KCNN2: variants seen among roughly 807,000 people sequenced by gnomAD.
KCNN2 encodes small conductance calcium-activated potassium channel protein 2.
KCNN2 carries 24 observed loss-of-function variants against 55.5 expected under a neutral mutation model. That is an observed-to-expected ratio of 0.43 (90% CI 0.31 to 0.61). KCNN2 has a LOEUF of 0.61. Ranked by LOEUF, KCNN2 falls within the 20% of genes least tolerant of loss-of-function variation. KCNN2 has a pLI of 0.08. For missense variants in KCNN2, 754 were observed against 853.6 expected, an observed-to-expected ratio of 0.88 and a Z score of 1.45; for synonymous variants, 431 against 336.1, an observed-to-expected ratio of 1.28 and a Z score of -3.09.
intron 3 of KCNN2, among the ~76,000 whole-genome samples, chr5:114,458,501 T>C (rs180675218): frequency 2.0e-5 from 3 of 152,326 alleles, no homozygotes; most frequent in Non-Finnish European, 2.9e-5. Flanking sequence ...CCAAGGCAAG[T>C]CAACTTGAGG....
At chr5:114,232,614 A>G (rs1754384703) in intron 2 of KCNN2, among the ~76,000 whole-genome samples, 1 of 150,270 alleles carries the variant, frequency 6.7e-6, no homozygotes, top group South Asian at 2.1e-4. Context: ...AATCTTTCCT[A>G]TTGTCATCTT....
At chr5:114,071,528 A>G (rs1238463815) in intron 1 of KCNN2, among the ~76,000 whole-genome samples, 1 of 152,212 alleles carries the variant, frequency 6.6e-6, no homozygotes, top group Non-Finnish European at 1.5e-5. Context: ...CTACAAGGGG[A>G]CTGAAATAAC....
intron 1 of KCNN2, among the ~76,000 whole-genome samples, chr5:114,162,840 G>T (rs1463583742): frequency 1.3e-5 from 2 of 152,150 alleles, no homozygotes; most frequent in East Asian, 1.9e-4. Context: ...CGTTTGTTAA[G>T]TCGGTTGGAA....
intron 4 of KCNN2, among the ~76,000 whole-genome samples, chr5:114,471,237 C>T (rs766391466): frequency 6.6e-6 from 1 of 152,136 alleles, no homozygotes; most frequent in Admixed American, 6.6e-5. Context: ...CCAAAATTCA[C>T]GGATGCTCAA....
intron 3 of KCNN2, among the ~76,000 whole-genome samples, chr5:114,410,204 G>T (rs1401889849): frequency 6.6e-6 from 1 of 152,158 alleles, no homozygotes; most frequent in Non-Finnish European, 1.5e-5. Flanking sequence ...TCAGAGCTTG[G>T]GGTCCTGAAG....
At chr5:114,293,079 T>A (rs367723394) in intron 2 of KCNN2, among the ~76,000 whole-genome samples, 50 of 152,204 alleles carry the variant, frequency 3.3e-4, no homozygotes, top group African/African-American at 1.1e-3. Flanking sequence ...TATCAGCTTA[T>A]GGAGATTTTG....
intron 1 of KCNN2, among the ~76,000 whole-genome samples, chr5:114,113,755 G>A (rs1196312173): frequency 6.6e-6 from 1 of 152,084 alleles, no homozygotes; most frequent in Non-Finnish European, 1.5e-5. Flanking sequence ...ATTTTAGTAA[G>A]GCTTGGTTGT....
rs945431066 is a variant in KCNN2 at position 114,170,285 on chromosome 5, A to G, written c.-270-51195A>G. 3.9e-4 allele frequency among the ~76,000 whole-genome samples: 60 copies of G among 152,204 alleles called. 1 individual carries two copies. Among genetic ancestry groups the G allele is most frequent in the Middle Eastern group, 3.4e-3 (1 of 294 alleles). ...TCCAATCATTCATTTACCTCACAATATATTTTACAACTAAATGATTTTTAA... is the reference window on the plus strand; with the variant it reads ...TCCAATCATTCATTTACCTCACAATGTATTTTACAACTAAATGATTTTTAA... On this transcript the variant is annotated intron_variant, in intron 1 of 10. Transcript: ENST00000512097.
intron 2 of KCNN2, among the ~76,000 whole-genome samples, chr5:114,233,992 G>C (rs1754418941): frequency 6.7e-6 from 1 of 149,618 alleles, no homozygotes; most frequent in South Asian, 2.1e-4. Context: ...ACTTCTTGCT[G>C]TAGCCTTCAA....
In KCNN2 at chr5:114,362,673, CG is replaced by C; in HGVS notation, c.537del (p.Pro181ArgfsTer31). 1 of 1,428,486 alleles carries C rather than the reference CG, an allele frequency of 7.0e-7. No individual in the cohort carries two copies. Among genetic ancestry groups the C allele is most frequent in the Non-Finnish European group, 9.2e-7 (1 of 1,091,466 alleles). The allele number at this position is 1,428,486 out of a possible 1,614,324, so 88.5% of individuals were successfully genotyped here. ...CGGGCAGCCTCGGCAGTCTGGGCTC[CG>C]GGCCCCCGCTCTCGCACCACCACCA... is the stretch of plus-strand genomic sequence containing the variant. ...PTGSLGSLGS[G>X]PPLSHHHHHP... On this transcript the variant is annotated frameshift_variant, in exon 1 of 8. Transcript: ENST00000673685. LOFTEE classifies it high-confidence loss of function.
At chr5:114,457,295 G>C (rs184423092) in intron 3 of KCNN2, among the ~76,000 whole-genome samples, 1 of 152,092 alleles carries the variant, frequency 6.6e-6, no homozygotes, top group Non-Finnish European at 1.5e-5. Context: ...TAAATCCATA[G>C]AATTTTTGAG....
intron 3 of KCNN2, among the ~76,000 whole-genome samples, chr5:114,447,678 G>GA (rs1272549767): frequency 1.3e-5 from 2 of 151,380 alleles, no homozygotes; most frequent in Admixed American, 6.6e-5. Flanking sequence ...TACCTATGGG[G>GA]AAAAAAAAAG....
chr5:114,315,447 GTGTGTGTGTGTGTGTGTGTATA>G (rs1307721402), intron 2 of KCNN2, among the ~76,000 whole-genome samples: 13 of 108,702 alleles, frequency 1.2e-4, no homozygotes, highest in East Asian at 1.7e-3. Context: ...GTGTGTGTGT[GTGTGTGTGTGTGTGTGTGTATA>G]TATATATAAA....
Position 114,362,075 on chromosome 5 carries a change from C to G in KCNN2, c.-65C>G, listed in dbSNP as rs769146644. ...CACCAGCAGCAGGAGTCCCCGCTCC[C>G]GACCATAACGCATTGCGCAGGGTGC... On this transcript the variant is annotated 5_prime_UTR_variant, in exon 1 of 8. Transcript: ENST00000673685. 6.5e-6 allele frequency: 1 copy of G among 153,362 alleles called. No individual in the cohort carries two copies. The highest frequency in any genetic ancestry group is 1.5e-5 in the Non-Finnish European group (1 of 68,572). The allele number at this position is 153,362 out of a possible 1,614,324, so 9.5% of individuals were successfully genotyped here.
chr5:114,072,351 C>T lies in KCNN2; in HGVS notation c.-271+15851C>T, dbSNP rs115473091. ...CTTGTTCACCCTCACCCTCTTTTGC[C>T]CTTCCACCTTGATGATGAAGTGCAA... On this transcript the variant is annotated intron_variant, in intron 1 of 10. Transcript: ENST00000512097. 8.4e-3 allele frequency among the ~76,000 whole-genome samples: 1,274 copies of T among 152,018 alleles called. 22 individuals carry two copies. Among genetic ancestry groups the T allele is most frequent in the African/African-American group, 0.03 (1,226 of 41,448 alleles).
chr5:114,250,671 C>T (rs1159447653), intron 2 of KCNN2, among the ~76,000 whole-genome samples: 1 of 152,118 alleles, frequency 6.6e-6, no homozygotes, highest in Non-Finnish European at 1.5e-5. Context: ...AAGTCTATGG[C>T]CCCTGAAGGA....
At chr5:114,493,200 C>A (rs905204790) in intron 6 of KCNN2, 2 of 659,318 alleles carry the variant, frequency 3.0e-6, no homozygotes, top group Non-Finnish European at 5.6e-6. Context: ...CTCTTGCTCT[C>A]ACTCTCTCCT....
intron 2 of KCNN2, among the ~76,000 whole-genome samples, chr5:114,257,692 T>C (rs564625456): frequency 3.8e-4 from 58 of 152,314 alleles, no homozygotes; most frequent in Admixed American, 5.9e-4. Context: ...TTTTTGTACA[T>C]TGATTTCATA....
At chr5:114,348,871 T>C (rs955330527) in intron 2 of KCNN2, among the ~76,000 whole-genome samples, 2 of 152,182 alleles carry the variant, frequency 1.3e-5, no homozygotes, top group Admixed American at 1.3e-4. Flanking sequence ...ATTTGGGAAT[T>C]GCTCTCATCA....
Sources: gnomAD v4.1 joint callset for allele counts (sites outside exome capture counted in the v4.1 genomes callset) on GRCh38, gnomAD v4.1.1 for gene constraint, MANE v1.5 for transcripts, NCBI Gene and HGNC (gene_info 2026-07-23, HGNC 2026-07-21) for gene names.